Variants in ADGRB3 observed in about 807,000 individuals in gnomAD.
ADGRB3 encodes the protein brain-specific angiogenesis inhibitor 3.
In ADGRB3, 37 loss-of-function variants were observed where a neutral mutation model predicts 193.4. The observed-to-expected ratio is 0.19, with a 90% CI of 0.15 to 0.25. The LOEUF (loss-of-function observed/expected upper bound fraction) is 0.25, where lower values mean the gene tolerates loss of function less well. ADGRB3 is among the 10% of genes least tolerant of loss of function. ADGRB3 has a pLI of 1.00. For synonymous variants in ADGRB3, 690 were observed against 644.2 expected (o/e 1.07, Z -1.08); for missense variants, 1,637 against 1,852.9 (o/e 0.88, Z 2.14).
chr6:69,351,725 G>C (rs1769230495), intron 26 of ADGRB3, among the ~76,000 whole-genome samples: 1 of 152,174 alleles, frequency 6.6e-6, no homozygotes, highest in South Asian at 2.1e-4. Flanking sequence ...GTTCTGAAAA[G>C]ACGTGGATTT....
intron 12 of ADGRB3, among the ~76,000 whole-genome samples, chr6:69,015,026 A>G (rs1048879174): frequency 2.0e-5 from 3 of 151,736 alleles, no homozygotes; most frequent in Non-Finnish European, 2.9e-5. Context: ...AGAAAAAAAA[A>G]CCCTTATTTT....
chr6:69,094,347 A>G (rs1582455861), intron 17 of ADGRB3, among the ~76,000 whole-genome samples: 1 of 152,210 alleles, frequency 6.6e-6, no homozygotes, highest in East Asian at 1.9e-4. Context: ...AATTGAAATG[A>G]TTAAAGATGT....
chr6:68,851,481 T>TG (rs756957265), intron 3 of ADGRB3, among the ~76,000 whole-genome samples: 43 of 152,036 alleles, frequency 2.8e-4, no homozygotes, highest in Middle Eastern at 6.8e-3. Flanking sequence ...ATATACATTA[T>TG]CAAATGATTA....
chr6:68,650,360 A>G (rs1331098656), intron 3 of ADGRB3, among the ~76,000 whole-genome samples: 2 of 152,024 alleles, frequency 1.3e-5, no homozygotes, highest in Non-Finnish European at 2.9e-5. Flanking sequence ...TTGCATCACA[A>G]TTTTTAAAAA....
chr6:69,064,762 A>G (rs1771851133), intron 16 of ADGRB3, among the ~76,000 whole-genome samples: 1 of 152,104 alleles, frequency 6.6e-6, no homozygotes, highest in Non-Finnish European at 1.5e-5. Flanking sequence ...TTTGATAAAG[A>G]TGAAATCATT....
At chr6:69,166,445 A>G (rs1400707015) in intron 17 of ADGRB3, among the ~76,000 whole-genome samples, 1 of 152,148 alleles carries the variant, frequency 6.6e-6, no homozygotes, top group African/African-American at 2.4e-5. Context: ...TAGAAGATTG[A>G]TTCAATTTAA....
intron 3 of ADGRB3, among the ~76,000 whole-genome samples, chr6:68,802,183 C>CGTGTGTGTGTGT (rs9294808): frequency 1.4e-5 from 2 of 142,734 alleles, no homozygotes; most frequent in African/African-American, 5.2e-5. Flanking sequence ...TGCACATATG[C>CGTGTGTGTGTGT]GTGTGTGTGT....
intron 15 of ADGRB3, among the ~76,000 whole-genome samples, chr6:69,059,334 G>T (rs1408040401): frequency 6.6e-6 from 1 of 151,862 alleles, no homozygotes; most frequent in Non-Finnish European, 1.5e-5. Context: ...TTTACTTTCA[G>T]TCTATGGATG....
chr6:68,638,698 T>G lies in ADGRB3; in HGVS notation c.23T>G (p.Leu8Arg), dbSNP rs2127274168. 1 of 1,613,940 alleles carries G rather than the reference T, an allele frequency of 6.2e-7. No homozygotes were observed. The highest frequency in any genetic ancestry group is 8.5e-7 in the Non-Finnish European group (1 of 1,179,906). ...AGGATGAAGGCTGTTCGTAACCTGC[T>G]GATTTATATATTTTCCACCTATCTC... MKAVRNL[L>R]IYIFSTYLLV... Residue 8 changes from leucine to arginine, a missense_variant, in exon 3 of 32, where the codon CTG becomes CGG. This residue lies in a region of ADGRB3 where 365 missense variants were observed against 409.8 expected (regional missense o/e 0.89). Coordinates refer to ENST00000370598, the MANE Select transcript of ADGRB3 (RefSeq NM_001704.3).
intron 3 of ADGRB3, among the ~76,000 whole-genome samples, chr6:68,787,520 G>T (rs1358392507): frequency 6.6e-6 from 1 of 152,138 alleles, no homozygotes; most frequent in Non-Finnish European, 1.5e-5. Context: ...AATCATGGTG[G>T]ATAAGCTTTT....
At chr6:68,660,247 T>C (rs1768593951) in intron 3 of ADGRB3, among the ~76,000 whole-genome samples, 1 of 149,714 alleles carries the variant, frequency 6.7e-6, no homozygotes, top group South Asian at 2.1e-4. Context: ...TTATAATATA[T>C]TTCATATAAG....
chr6:69,103,749 TA>T (rs1040500390), intron 17 of ADGRB3, among the ~76,000 whole-genome samples: 90 of 150,854 alleles, frequency 6.0e-4, no homozygotes, highest in African/African-American at 2.0e-3. Flanking sequence ...CAAATTTGTG[TA>T]AAATATATTT....
At chr6:68,968,761 T>C (rs1768468337) in intron 8 of ADGRB3, among the ~76,000 whole-genome samples, 1 of 152,210 alleles carries the variant, frequency 6.6e-6, no homozygotes, top group Non-Finnish European at 1.5e-5. Context: ...TTTTGAACTT[T>C]AACATTTGTC....
At chr6:68,755,995 C>T (rs1582175577) in intron 3 of ADGRB3, among the ~76,000 whole-genome samples, 2 of 152,108 alleles carry the variant, frequency 1.3e-5, no homozygotes, top group Admixed American at 1.3e-4. Context: ...GGAAAAAATG[C>T]TTCTGCCTTT....
chr6:68,937,587 G>C (rs1383065185), intron 5 of ADGRB3, among the ~76,000 whole-genome samples: 2 of 152,180 alleles, frequency 1.3e-5, no homozygotes, highest in Non-Finnish European at 2.9e-5. Flanking sequence ...TGGGTGTAAA[G>C]AAAGTGACTT....
intron 3 of ADGRB3, among the ~76,000 whole-genome samples, chr6:68,850,621 ATAT>A (rs1768378287): frequency 6.6e-6 from 1 of 152,052 alleles, no homozygotes; most frequent in Non-Finnish European, 1.5e-5. Context: ...TGGGAAAATA[ATAT>A]TATAGATTCA....
chr6:68,738,027 G>A (rs749864152), intron 3 of ADGRB3, among the ~76,000 whole-genome samples: 2 of 152,166 alleles, frequency 1.3e-5, no homozygotes, highest in African/African-American at 4.8e-5. Flanking sequence ...GGACAAGTTT[G>A]ACTAAAGTGA....
chr6:68,759,921 T>C (rs907657226), intron 3 of ADGRB3, among the ~76,000 whole-genome samples: 1 of 152,126 alleles, frequency 6.6e-6, no homozygotes, highest in Non-Finnish European at 1.5e-5. Flanking sequence ...TAGATTTTTA[T>C]TCATTAAATA....
At chr6:68,911,860 T>A (rs1472492349) in intron 3 of ADGRB3, among the ~76,000 whole-genome samples, 3 of 151,196 alleles carry the variant, frequency 2.0e-5, no homozygotes, top group Non-Finnish European at 1.5e-5. Flanking sequence ...ATGTCAAACA[T>A]CATTTGGTAG....
Sources: gnomAD v4.1 joint callset for allele counts (sites outside exome capture counted in the v4.1 genomes callset) on GRCh38, gnomAD v4.1.1 for gene constraint, gnomAD v4.1.1 regional missense constraint, MANE v1.5 for transcripts, NCBI Gene and HGNC (gene_info 2026-07-23, HGNC 2026-07-21) for gene names.